Variants in GMDS observed in about 807,000 individuals in gnomAD.
GMDS encodes the protein GDP-mannose 4,6 dehydratase.
Under a neutral mutation model 49.9 loss-of-function variants are expected in GMDS, and 20 were observed. That is an observed-to-expected ratio of 0.40 (90% CI 0.28 to 0.58). The LOEUF (loss-of-function observed/expected upper bound fraction) is 0.58, where lower values mean the gene tolerates loss of function less well. Ranked by LOEUF, GMDS falls within the 20% of genes least tolerant of loss-of-function variation. The pLI is 0.42. For synonymous variants in GMDS, 177 were observed against 178.6 expected (o/e 0.99, Z 0.07); for missense variants, 362 against 481.4 (o/e 0.75, Z 2.32).
intron 7 of GMDS, among the ~76,000 whole-genome samples, chr6:1,790,518 C>G (rs1312015610): frequency 6.6e-6 from 1 of 152,260 alleles, no homozygotes; most frequent in African/African-American, 2.4e-5. Flanking sequence ...GCTTACCTAC[C>G]TGTTTTAAAG....
At chr6:1,929,896 C>T (rs780295217) in intron 7 of GMDS, among the ~76,000 whole-genome samples, 40 of 152,196 alleles carry the variant, frequency 2.6e-4, no homozygotes, top group Admixed American at 5.2e-4. Context: ...CATTCAAGTA[C>T]CATTCAGTGT....
At chr6:2,002,950 G>A (rs1334213752) in intron 4 of GMDS, among the ~76,000 whole-genome samples, 1 of 151,950 alleles carries the variant, frequency 6.6e-6, no homozygotes, top group East Asian at 1.9e-4. Flanking sequence ...GAAAATTTGA[G>A]CTTTTATAAA....
intron 6 of GMDS, among the ~76,000 whole-genome samples, chr6:1,956,167 T>G (rs1030493188): frequency 6.6e-6 from 1 of 152,214 alleles, no homozygotes; most frequent in African/African-American, 2.4e-5. Context: ...GTGAAAGTTT[T>G]CTCGAATGTT....
intron 4 of GMDS, among the ~76,000 whole-genome samples, chr6:2,076,845 G>A (rs776564016): frequency 3.9e-5 from 6 of 152,152 alleles, no homozygotes; most frequent in Admixed American, 6.5e-5. Context: ...CAGGACATAC[G>A]CATGGGCAAG....
Position 1,833,830 on chromosome 6 carries a change from G to C in GMDS, c.772-91244C>G, listed in dbSNP as rs1284223137. Among the ~76,000 whole-genome samples the C allele has an allele frequency of 6.6e-6, 1 of 152,170 alleles. No individual in the cohort carries two copies. Among genetic ancestry groups the C allele is most frequent in the Non-Finnish European group, 1.5e-5 (1 of 68,036 alleles). ...CCAAACTGCTCATTAAACAAACAAA[G>C]TAAATTAAGAAGTTGTTGGTTAGGT... On this transcript the variant is annotated intron_variant, in intron 7 of 10. Transcript: ENST00000380815. The surrounding 1 kb of genome is among the most constrained non-coding windows in gnomAD (Gnocchi z 4.4).
chr6:2,054,323 AAAC>A (rs986871328), intron 4 of GMDS, among the ~76,000 whole-genome samples: 4 of 152,138 alleles, frequency 2.6e-5, no homozygotes, highest in African/African-American at 4.8e-5. Context: ...AAAAACAAAC[AAAC>A]AACAATAACA....
chr6:1,702,953 C>A (rs7745292), intron 9 of GMDS, among the ~76,000 whole-genome samples: 151,837 of 152,288 alleles, frequency 1, 75,695 homozygotes, highest in Middle Eastern at 1. Context: ...CCAGATCACT[C>A]TCCGTGAGGA....
chr6:2,184,007 T>C (rs1255994684), intron 1 of GMDS, among the ~76,000 whole-genome samples: 1 of 152,230 alleles, frequency 6.6e-6, no homozygotes. Flanking sequence ...ATAAGTTATA[T>C]ATAACTTGTA....
At chr6:1,713,633 C>T (rs1309609864) in intron 9 of GMDS, among the ~76,000 whole-genome samples, 1 of 152,162 alleles carries the variant, frequency 6.6e-6, no homozygotes, top group Non-Finnish European at 1.5e-5. Flanking sequence ...CATACACGTA[C>T]GTGTGTTTGT....
chr6:2,139,910 T>C (rs963878787), intron 1 of GMDS, among the ~76,000 whole-genome samples: 1 of 152,182 alleles, frequency 6.6e-6, no homozygotes. Flanking sequence ...TTGAGCTGCG[T>C]AGTCCAAGAT....
chr6:1,657,357 G>C (rs1173721988), intron 9 of GMDS, among the ~76,000 whole-genome samples: 1 of 152,214 alleles, frequency 6.6e-6, no homozygotes, highest in African/African-American at 2.4e-5. Flanking sequence ...TATGCACTTA[G>C]GCAGGTGCTG....
intron 1 of GMDS, among the ~76,000 whole-genome samples, chr6:2,149,596 C>T (rs906692541): frequency 6.6e-5 from 10 of 152,204 alleles, no homozygotes; most frequent in South Asian, 2.1e-4. Context: ...AATATTCCCA[C>T]GCCAGTTCTG....
intron 7 of GMDS, among the ~76,000 whole-genome samples, chr6:1,860,037 C>T (rs1041386157): frequency 6.6e-6 from 1 of 152,112 alleles, no homozygotes; most frequent in East Asian, 1.9e-4. Flanking sequence ...TTCTAGACTT[C>T]ATATTGTAGT....
In GMDS at chr6:1,811,966, C is replaced by G. The variant is rs546519410; in HGVS notation, c.772-69380G>C. 2.0e-3 allele frequency among the ~76,000 whole-genome samples: 307 copies of G among 152,270 alleles called. 1 individual carries two copies. Among genetic ancestry groups the G allele is most frequent in the African/African-American group, 7.2e-3 (299 of 41,550 alleles). Reference sequence around the variant, plus strand: ...ATGTTCATTGTACACCTACTATGTTCCAGGTACACTGCTGGAAATATACAA... The same window carrying G: ...ATGTTCATTGTACACCTACTATGTTGCAGGTACACTGCTGGAAATATACAA... On this transcript the variant is annotated intron_variant, in intron 7 of 10. Coordinates refer to ENST00000380815, the MANE Select transcript of GMDS (RefSeq NM_001500.4).
rs561649551 is a variant in GMDS at position 1,905,530 on chromosome 6, G to A, written c.771+24573C>T. On this transcript the variant is annotated intron_variant, in intron 7 of 10. Transcript: ENST00000380815. ...CCAGCACATAGCTGTGGGTGCTGGC[G>A]TGTAGGTTGGACCTCAAAGGTGCCT... Among the ~76,000 whole-genome samples the A allele has an allele frequency of 1.7e-3, 236 of 136,900 alleles. 2 individuals are homozygous for A. The highest frequency in any genetic ancestry group is 5.4e-3 in the African/African-American group (193 of 35,574). 89.8% of individuals were successfully genotyped at this position (136,900 alleles called of 152,430 possible). A position where few individuals can be genotyped will look rare whatever the true frequency, so the allele number is the denominator to read the frequency against.
chr6:1,843,289 G>A (rs1417462974), intron 7 of GMDS, among the ~76,000 whole-genome samples: 1 of 152,144 alleles, frequency 6.6e-6, no homozygotes, highest in African/African-American at 2.4e-5. Context: ...GTAGGTGCTG[G>A]TCTCAAGCAG....
At chr6:1,633,799 C>G (rs1242158106) in intron 9 of GMDS, among the ~76,000 whole-genome samples, 1 of 152,084 alleles carries the variant, frequency 6.6e-6, no homozygotes, top group African/African-American at 2.4e-5. Flanking sequence ...TGTTGGCCTC[C>G]CGGGTGGTTT....
chr6:1,855,037 C>G (rs1054918715), intron 7 of GMDS, among the ~76,000 whole-genome samples: 2 of 152,182 alleles, frequency 1.3e-5, no homozygotes, highest in Non-Finnish European at 2.9e-5. Context: ...GGTAGATAAG[C>G]ACTTGGCATC....
At position 1,751,285 on chromosome 6, in the gene GMDS, C is replaced by G. The variant is rs528582898; in HGVS notation, c.772-8699G>C. The stretch of plus-strand genomic sequence containing the variant: ...CCCGTGCCTCCTGACCGGGAGATAC[C>G]TCCTAGCAGGGGTTGACAGACACCT... On this transcript the variant is annotated intron_variant, in intron 7 of 10. Transcript: ENST00000380815. Among the ~76,000 whole-genome samples, 8 of 152,260 alleles carry G rather than the reference C, an allele frequency of 5.3e-5. No individual in the cohort carries two copies. The East Asian group carries it at 7.7e-4, about 15-fold the overall frequency.
Sources: allele counts gnomAD v4.1 joint callset (sites outside exome capture counted in the v4.1 genomes callset), GRCh38; gene constraint gnomAD v4.1.1; non-coding constraint Gnocchi (gnomAD v3.1); transcripts MANE v1.5; gene names NCBI Gene and HGNC (gene_info 2026-07-23, HGNC 2026-07-21).